EGFR: variants seen among roughly 807,000 people sequenced by gnomAD.
EGFR encodes the protein avian erythroblastic leukemia viral (v-erb-b) oncogene homolog.
EGFR carries 58 observed loss-of-function variants against 143.0 expected under a neutral mutation model. The ratio of observed to expected loss-of-function variants is 0.41; its 90% CI spans 0.33 to 0.50. The LOEUF (loss-of-function observed/expected upper bound fraction) is 0.50, where lower values mean the gene tolerates loss of function less well. Ranked by LOEUF, EGFR falls within the 20% of genes least tolerant of loss-of-function variation. The pLI is 0.39. For synonymous variants in EGFR, 613 were observed against 594.4 expected (o/e 1.03, Z -0.45); for missense variants, 1,307 against 1,579.0 (o/e 0.83, Z 2.92).
chr7:55,123,861 G>T (rs942519275), intron 1 of EGFR, among the ~76,000 whole-genome samples: 2 of 150,668 alleles, frequency 1.3e-5, no homozygotes, highest in African/African-American at 4.9e-5. Flanking sequence ...GCCCGTATGT[G>T]CATGCATGCA....
intron 1 of EGFR, among the ~76,000 whole-genome samples, chr7:55,071,663 G>C (rs934735702): frequency 6.6e-6 from 1 of 152,174 alleles, no homozygotes; most frequent in Non-Finnish European, 1.5e-5. Context: ...GTAGGCACAC[G>C]CACAGCTCCC....
At chr7:55,107,540 G>A (rs1239097299) in intron 1 of EGFR, among the ~76,000 whole-genome samples, 1 of 152,184 alleles carries the variant, frequency 6.6e-6, no homozygotes, top group African/African-American at 2.4e-5. Flanking sequence ...TGTGAAGAGT[G>A]GATGCTGCAG....
In EGFR at chr7:55,087,905, C is replaced by G. The variant is rs1029005510; in HGVS notation, c.89-54381C>G. ...GTTGCAGGCCACAGAAAGGAAGTGA[C>G]ATGAGTCACTTTGGGCCTTCTTAAT... On this transcript the variant is annotated intron_variant, in intron 1 of 27. Coordinates refer to ENST00000275493, the MANE Select transcript of EGFR (RefSeq NM_005228.5). Among the ~76,000 whole-genome samples the G allele has an allele frequency of 5.9e-5, 9 of 152,294 alleles. No individual in the cohort carries two copies. In the East Asian group the frequency reaches 1.7e-3, roughly 29 times the overall value.
intron 1 of EGFR, among the ~76,000 whole-genome samples, chr7:55,092,042 A>G (rs1165262033): frequency 1.3e-5 from 2 of 152,048 alleles, no homozygotes; most frequent in Non-Finnish European, 2.9e-5. Context: ...TTCTGGTTGC[A>G]GCCCACTAAC....
intron 4 of EGFR, 141 bp downstream of exon 4, chr7:55,146,881 A>G: frequency 7.9e-7 from 1 of 1,266,050 alleles, no homozygotes; most frequent in Non-Finnish European, 1.1e-6. Flanking sequence ...TCTGACCACT[A>G]GAAAAGCATG....
intron 20 of EGFR, among the ~76,000 whole-genome samples, chr7:55,187,652 T>C (rs1018377856): frequency 1.3e-5 from 2 of 152,224 alleles, no homozygotes; most frequent in African/African-American, 4.8e-5. Context: ...TTCCATTTTT[T>C]AGGGAGCTCA....
At chr7:55,177,308 C>T (rs1786642832) in intron 19 of EGFR, among the ~76,000 whole-genome samples, 1 of 152,212 alleles carries the variant, frequency 6.6e-6, no homozygotes, top group Admixed American at 6.5e-5. Flanking sequence ...CAGCAGTGCC[C>T]AGGCCAATTT....
At chr7:55,070,971 C>T (rs568302585) in intron 1 of EGFR, among the ~76,000 whole-genome samples, 21 of 152,340 alleles carry the variant, frequency 1.4e-4, no homozygotes, top group Non-Finnish European at 2.4e-4. Flanking sequence ...CATGGGTATA[C>T]ACATCCCACC....
Position 55,201,772 on chromosome 7 carries a change from A to T in EGFR, c.3152A>T (p.Asp1051Val), listed in dbSNP as rs755574890. Reference protein sequence around the residue: ...TSNNSTVACIDRNGLQSCPIK... With the variant: ...TSNNSTVACIVRNGLQSCPIK... ...AACAATTCCACCGTGGCTTGCATTGATAGAAATGGGGTATGTATGAACACC... is the reference window on the plus strand; with the variant it reads ...AACAATTCCACCGTGGCTTGCATTGTTAGAAATGGGGTATGTATGAACACC... Residue 1051 changes from aspartate to valine, a missense_variant, in exon 26 of 28, where the codon GAT (aspartate) becomes GTT (valine). Transcript: ENST00000275493. 6.2e-7 allele frequency: 1 copy of T among 1,614,210 alleles called. No homozygotes were observed. Among genetic ancestry groups the T allele is most frequent in the South Asian group, 1.1e-5 (1 of 91,084 alleles).
At chr7:55,046,884 C>G (rs954969331) in intron 1 of EGFR, among the ~76,000 whole-genome samples, 1 of 152,164 alleles carries the variant, frequency 6.6e-6, no homozygotes, top group Non-Finnish European at 1.5e-5. Flanking sequence ...GTACTTGCTG[C>G]TTTGCAAGTG....
At chr7:55,193,603 A>C (rs7781774) in intron 22 of EGFR, among the ~76,000 whole-genome samples, 2,449 of 152,274 alleles carry the variant, frequency 0.016, 76 homozygotes, top group African/African-American at 0.056. Context: ...CCAGCAACTT[A>C]CTGAAAGGCT....
At chr7:55,201,708 T>C (rs2128972429) in intron 25 of EGFR, 27 bp from the exon 26 acceptor site, 1 of 1,614,202 alleles carries the variant, frequency 6.2e-7, no homozygotes, top group Non-Finnish European at 8.5e-7. Flanking sequence ...AAGCATTCCA[T>C]GGGCAACTTC....
chr7:55,069,379 A>T (rs558674392), intron 1 of EGFR, among the ~76,000 whole-genome samples: 6 of 152,318 alleles, frequency 3.9e-5, no homozygotes, highest in African/African-American at 1.4e-4. Context: ...TGCAGCAAGT[A>T]TCTGCTGAGC....
intron 1 of EGFR, among the ~76,000 whole-genome samples, chr7:55,068,108 CTGTG>C (rs143894730): frequency 1.4e-5 from 2 of 144,228 alleles, no homozygotes; most frequent in Non-Finnish European, 3.0e-5. Flanking sequence ...ATGTGTGTGC[CTGTG>C]TGTGTGTGTG....
chr7:55,187,124 G>A (rs1464492108), intron 20 of EGFR, among the ~76,000 whole-genome samples: 1 of 152,188 alleles, frequency 6.6e-6, no homozygotes, highest in Non-Finnish European at 1.5e-5. Context: ...CACCAGATAA[G>A]GGACACTGGG....
At chr7:55,089,847 C>T (rs572925750) in intron 1 of EGFR, among the ~76,000 whole-genome samples, 46 of 152,296 alleles carry the variant, frequency 3.0e-4, no homozygotes, top group African/African-American at 1.0e-3. Flanking sequence ...TCCCTCTAAC[C>T]AGCTATGCAG....
chr7:55,109,921 C>T lies in EGFR; in HGVS notation c.89-32365C>T, dbSNP rs140563149. ...TTTGCTGTGGGTTCCCTCCGGCAGG[C>T]GACCTCTCCGCGCTGAGAAGGTTAT... On this transcript the variant is annotated intron_variant, in intron 1 of 27. Transcript: ENST00000275493. The T allele has an allele frequency of 1.6e-4, 159 of 985,446 alleles. 2 individuals carry two copies. The African/African-American group carries it at 2.1e-3, about 13-fold the overall frequency. The allele number at this position is 985,446 out of a possible 1,614,324, so 61.0% of individuals were successfully genotyped here. A position where few individuals can be genotyped will look rare whatever the true frequency, so the allele number is the denominator to read the frequency against.
intron 1 of EGFR, among the ~76,000 whole-genome samples, chr7:55,062,014 C>G: frequency 6.6e-6 from 1 of 152,182 alleles, no homozygotes; most frequent in East Asian, 1.9e-4. Context: ...ACTCTACTGT[C>G]AGTTTCAGGG....
At chr7:55,196,823 T>C (rs762085839) in intron 22 of EGFR, among the ~76,000 whole-genome samples, 19 of 152,008 alleles carry the variant, frequency 1.2e-4, no homozygotes, top group Admixed American at 2.0e-4. Context: ...CACATGGTTG[T>C]AGGTGTGCAG....
Sources: gnomAD v4.1 joint callset for allele counts (sites outside exome capture counted in the v4.1 genomes callset) on GRCh38, gnomAD v4.1.1 for gene constraint, MANE v1.5 for transcripts, NCBI Gene and HGNC (gene_info 2026-07-23, HGNC 2026-07-21) for gene names.